Variants in GK5 observed in about 807,000 individuals in gnomAD.
The protein encoded by GK5 is ATP:glycerol 3-phosphotransferase 5.
Under a neutral mutation model 77.3 loss-of-function variants are expected in GK5, and 39 were observed. That is an observed-to-expected ratio of 0.50 (90% CI 0.39 to 0.66). The LOEUF (loss-of-function observed/expected upper bound fraction) is 0.66. GK5 is among the 30% of genes least tolerant of loss of function. GK5 has a pLI of 0.00. For missense variants in GK5, 487 were observed against 633.8 expected (o/e 0.77, Z 2.49); for synonymous variants, 211 against 208.0 (o/e 1.01, Z -0.13).
At chr3:142,216,066 C>T (rs980786908) in intron 1 of GK5, among the ~76,000 whole-genome samples, 1 of 152,174 alleles carries the variant, frequency 6.6e-6, no homozygotes, top group African/African-American at 2.4e-5. Context: ...GTCTCTTCCG[C>T]TAAATACAAA....
chr3:142,184,169 G>A (rs1252708025), intron 9 of GK5, among the ~76,000 whole-genome samples: 1 of 143,178 alleles, frequency 7.0e-6, no homozygotes, highest in East Asian at 2.1e-4. Context: ...GCTGAGGCAG[G>A]AGAATGGCAT....
At position 142,188,300 on chromosome 3, in the gene GK5, G is replaced by A. The variant is rs182758327; in HGVS notation, c.544-521C>T. ...TAATCCCAGCACTTTGGGAGGCCGA[G>A]GCGGGCGGATCATGAGGTCAGGAGA... On this transcript the variant is annotated intron_variant, in intron 5 of 15. Coordinates refer to ENST00000392993, the MANE Select transcript of GK5 (RefSeq NM_001039547.3). Among the ~76,000 whole-genome samples, 270 of 152,272 alleles carry A rather than the reference G, an allele frequency of 1.8e-3. 2 individuals carry two copies. The highest frequency in any genetic ancestry group is 5.9e-3 in the African/African-American group (244 of 41,556).
In GK5 at chr3:142,207,520, ATACTGTACTTCTACATACAAATG is replaced by A. The variant is rs1276913350; in HGVS notation, c.318-2755_318-2733del. Among the ~76,000 whole-genome samples, 290 of 152,252 alleles carry A rather than the reference ATACTGTACTTCTACATACAAATG, an allele frequency of 1.9e-3. 1 individual carries two copies. The highest frequency in any genetic ancestry group is 6.6e-3 in the African/African-American group (276 of 41,514). On this transcript the variant is annotated intron_variant, in intron 3 of 15. Transcript: ENST00000392993. ...TTATATTGTAAATTCTTATCTCTGT[ATACTGTACTTCTACATACAAATG>A]TACTGTACTTCTACATACAAATGTT...
chr3:142,204,774 T>G lies in GK5; in HGVS notation c.332A>C (p.His111Pro). Residue 111 changes from histidine (H) to proline (P), a missense_variant, in exon 4 of 16, where the codon CAT becomes CCT. Physicochemically the swap from His to Pro is moderately conservative, Grantham distance 77. Coordinates refer to ENST00000392993, the MANE Select transcript of GK5 (RefSeq NM_001039547.3). ...FITWNKKTGN[H>P]FHNFISWQDL... ...TTGCCAACTTATAAAGTTGTGAAAATGATTTCCTGTTTTCCTAGAAAGAAT... is the reference window on the plus strand; with the variant it reads ...TTGCCAACTTATAAAGTTGTGAAAAGGATTTCCTGTTTTCCTAGAAAGAAT... The G allele has an allele frequency of 6.4e-7, 1 of 1,553,634 alleles. No individual in the cohort carries two copies. The highest frequency in any genetic ancestry group is 8.8e-7 in the Non-Finnish European group (1 of 1,137,592).
chr3:142,213,309 T>C (rs566342520), intron 3 of GK5, among the ~76,000 whole-genome samples: 1 of 152,344 alleles, frequency 6.6e-6, no homozygotes, highest in Admixed American at 6.5e-5. Context: ...ATAATTTTAA[T>C]GACAGTTAAG....
Position 142,187,709 on chromosome 3 carries a change from G to A in GK5, c.614C>T (p.Thr205Ile). ...TIDTWLLYKL[T>I]KGSVYATDFS... ...ATCTTTCAGGTCATCTTTACCTTTTGTGAGCTTATATAACAACCAGGTATC... is the reference window on the plus strand; with the variant it reads ...ATCTTTCAGGTCATCTTTACCTTTTATGAGCTTATATAACAACCAGGTATC... Residue 205 changes from threonine to isoleucine, a missense_variant, in exon 6 of 16, where the codon ACA becomes ATA. Coordinates refer to ENST00000392993, the MANE Select transcript of GK5 (RefSeq NM_001039547.3). 3.1e-6 allele frequency: 5 copies of A among 1,600,814 alleles called. No individual in the cohort carries two copies. The highest frequency in any genetic ancestry group is 4.3e-6 in the Non-Finnish European group (5 of 1,172,502).
At chr3:142,183,111 C>G in intron 9 of GK5, 62 bp from the exon 10 acceptor site, 1 of 1,435,366 alleles carries the variant, frequency 7.0e-7, no homozygotes, top group Non-Finnish European at 9.7e-7. Flanking sequence ...TATTATAGAG[C>G]ATTGTCTCAC....
Position 142,165,475 on chromosome 3 carries a change from T to C in GK5, c.*147A>G, listed in dbSNP as rs2063463449. ...AATAAGAGTTTTTTGTTCCGTTTTGTTTTTTTAAAAGCAATGCTTCTTAAG... is the reference window on the plus strand; with the variant it reads ...AATAAGAGTTTTTTGTTCCGTTTTGCTTTTTTAAAAGCAATGCTTCTTAAG... On this transcript the variant is annotated 3_prime_UTR_variant, in exon 16 of 16. Coordinates refer to ENST00000392993, the MANE Select transcript of GK5 (RefSeq NM_001039547.3). 1.8e-6 allele frequency: 1 copy of C among 566,284 alleles called. No homozygotes were observed. Among genetic ancestry groups the C allele is most frequent in the South Asian group, 4.7e-5 (1 of 21,268 alleles). The allele number at this position is 566,284 out of a possible 1,614,324, so 35.1% of individuals were successfully genotyped here.
intron 12 of GK5, among the ~76,000 whole-genome samples, chr3:142,176,863 T>C (rs555420295): frequency 1.3e-5 from 2 of 152,014 alleles, no homozygotes; most frequent in South Asian, 4.2e-4. Context: ...GGGTTTCACC[T>C]TGTTAGCCAA....
intron 1 of GK5, 104 bp from the exon 2 acceptor site, chr3:142,215,796 T>C (rs1450909491): frequency 5.1e-6 from 3 of 589,322 alleles, no homozygotes; most frequent in Non-Finnish European, 9.1e-6. Context: ...CATGATTTTA[T>C]TATCTAATTA....
intron 12 of GK5, chr3:142,173,154 T>C: frequency 2.3e-6 from 1 of 432,074 alleles, no homozygotes. Context: ...TGAGCCGTGA[T>C]CGCGTTACTG....
In GK5 at chr3:142,163,740, A is replaced by G. The variant is rs905999814; in HGVS notation, c.*1882T>C. Reference sequence around the variant, plus strand: ...GCTGGGTGCAGTGGTTCACGGCTGCAATCCCAGCACTTTGGGAGGCCAAGG... The same window carrying G: ...GCTGGGTGCAGTGGTTCACGGCTGCGATCCCAGCACTTTGGGAGGCCAAGG... On this transcript the variant is annotated 3_prime_UTR_variant, in exon 16 of 16. Coordinates refer to ENST00000392993, the MANE Select transcript of GK5 (RefSeq NM_001039547.3). 6.6e-6 allele frequency: 1 copy of G among 152,152 alleles called. No individual in the cohort carries two copies. Among genetic ancestry groups the G allele is most frequent in the East Asian group, 1.9e-4 (1 of 5,190 alleles). The allele number at this position is 152,152 out of a possible 1,614,324, so 9.4% of individuals were successfully genotyped here. A position where few individuals can be genotyped will look rare whatever the true frequency, so the allele number is the denominator to read the frequency against.
At chr3:142,210,890 T>A (rs2064180761) in intron 3 of GK5, among the ~76,000 whole-genome samples, 1 of 152,236 alleles carries the variant, frequency 6.6e-6, no homozygotes. Context: ...CAAGTGAATA[T>A]GACACATCCA....
rs1274298313 is a variant in GK5, at chr3:142,172,373, T to A, written c.1227A>T (p.Ile409=). ...STSKYHLVRA[I]LESIAFRNKQ... is the part of the protein sequence containing the mutation. ...CATACCTGAAAGCTATTGACTCCAA[T>A]ATTGCTCGTACAAGATGGTATTTAC... Residue 409 remains isoleucine (I), a synonymous_variant, in exon 13 of 16, where the codon ATA becomes ATT. Coordinates refer to ENST00000392993, the MANE Select transcript of GK5 (RefSeq NM_001039547.3). The A allele has an allele frequency of 6.3e-7, 1 of 1,593,342 alleles. No homozygotes were observed.
chr3:142,181,484 G>A lies in GK5; in HGVS notation c.1025C>T (p.Ala342Val). The change falls in exon 11 of 16, where the codon GCC becomes GTC. Residue 342 changes from alanine (A) to valine (V), a missense_variant. Ala to Val is a moderately conservative substitution (Grantham distance 64, BLOSUM62 0). This residue lies in a region of GK5 where 323 missense variants were observed against 437.4 expected (regional missense o/e 0.74). Coordinates refer to ENST00000392993, the MANE Select transcript of GK5 (RefSeq NM_001039547.3). ...AESNAGDTGT[A>V]IKWAQQLDLF... The stretch of plus-strand genomic sequence containing the variant: ...ACCTAACTGCTGAGCCCATTTTATG[G>A]CAGTACCAGTGTCTCCTGCATTGCT... The A allele has an allele frequency of 6.2e-7, 1 of 1,610,654 alleles. No individual in the cohort carries two copies. Among genetic ancestry groups the A allele is most frequent in the Non-Finnish European group, 8.5e-7 (1 of 1,178,016 alleles).
In GK5 at chr3:142,215,800, CTAAT is replaced by C. The variant is rs949361714; in HGVS notation, c.148-112_148-109del. On this transcript the variant is annotated intron_variant, in intron 1 of 15. Transcript: ENST00000392993. ...AAAATAATTAACATGATTTTATTAT[CTAAT>C]TAATTTTTATTGTTAAAATTGAAAA... 6.5e-5 allele frequency: 38 copies of C among 582,766 alleles called. 1 individual carries two copies. Among genetic ancestry groups the C allele is most frequent in the Non-Finnish European group, 4.0e-5 (13 of 327,470 alleles). 36.1% of individuals were successfully genotyped at this position (582,766 alleles called of 1,614,324 possible). A position where few individuals can be genotyped will look rare whatever the true frequency, so the allele number is the denominator to read the frequency against.
intron 11 of GK5, among the ~76,000 whole-genome samples, chr3:142,178,196 C>G (rs377172477): frequency 2.0e-5 from 3 of 152,184 alleles, no homozygotes; most frequent in Admixed American, 2.0e-4. Flanking sequence ...TTTAAAAAAT[C>G]AATTCTATGT....
In GK5 at chr3:142,157,619, G is replaced by A. The variant is rs562713702; in HGVS notation, c.*8003C>T. On this transcript the variant is annotated 3_prime_UTR_variant, in exon 16 of 16. Coordinates refer to ENST00000392993, the MANE Select transcript of GK5 (RefSeq NM_001039547.3). ...AATTTTAGATTATAATTTTCAGAAA[G>A]GATTTTTAACATCTGCTAGGCTAAT... is the stretch of plus-strand genomic sequence containing the variant. 2 of 152,184 alleles carry A rather than the reference G, an allele frequency of 1.3e-5. No individual in the cohort carries two copies. Among genetic ancestry groups the A allele is most frequent in the Non-Finnish European group, 2.9e-5 (2 of 68,002 alleles). 9.4% of individuals were successfully genotyped at this position (152,184 alleles called of 1,614,324 possible). A position where few individuals can be genotyped will look rare whatever the true frequency, so the allele number is the denominator to read the frequency against.
chr3:142,215,498 T>C, intron 2 of GK5, 101 bp downstream of exon 2: 1 of 620,976 alleles, frequency 1.6e-6, no homozygotes, highest in Non-Finnish European at 2.8e-6. Flanking sequence ...AAATACTATA[T>C]ATATGTATAA....
Sources: gnomAD v4.1 joint callset for allele counts (sites outside exome capture counted in the v4.1 genomes callset) on GRCh38, gnomAD v4.1.1 for gene constraint, gnomAD v4.1.1 regional missense constraint, MANE v1.5 for transcripts, NCBI Gene and HGNC (gene_info 2026-07-23, HGNC 2026-07-21) for gene names.